The following EPHX2 variants were observed in gnomAD, a reference collection of about 807,000 sequenced individuals.
EPHX2 encodes bifunctional epoxide hydrolase 2.
Under a neutral mutation model 78.7 loss-of-function variants are expected in EPHX2, and 74 were observed. The observed-to-expected ratio is 0.94, with a 90% CI of 0.78 to 1.14. EPHX2 has a LOEUF of 1.14. EPHX2 is among the 50% of genes most tolerant of loss of function. The probability of loss-of-function intolerance (pLI) is 0.00; values close to 1 mark genes in which losing one functional copy is unlikely to be tolerated. For missense variants in EPHX2, 715 were observed against 702.5 expected, an observed-to-expected ratio of 1.02 and a Z score of -0.20; for synonymous variants, 251 against 255.2, an observed-to-expected ratio of 0.98 and a Z score of 0.16.
At chr8:27,491,948 T>G (rs1416417985) in intron 1 of EPHX2, among the ~76,000 whole-genome samples, 1 of 147,048 alleles carries the variant, frequency 6.8e-6, no homozygotes, top group Non-Finnish European at 1.5e-5. Flanking sequence ...TCTCTTTTTT[T>G]TGTGTTTTTT....
At chr8:27,504,845 T>C (rs1409769823) in intron 3 of EPHX2, 111 bp from the exon 4 acceptor site, 3 of 1,149,126 alleles carry the variant, frequency 2.6e-6, no homozygotes, top group Non-Finnish European at 2.5e-6. Context: ...AAGAGATTAA[T>C]AAAAGTGAGC....
At chr8:27,533,204 T>A (rs1815102998) in intron 12 of EPHX2, among the ~76,000 whole-genome samples, 2 of 152,210 alleles carry the variant, frequency 1.3e-5, no homozygotes, top group African/African-American at 4.8e-5. Flanking sequence ...ATGGGCATTA[T>A]CTCATTTAAT....
At chr8:27,497,288 G>C (rs1813606535) in intron 1 of EPHX2, among the ~76,000 whole-genome samples, 1 of 152,234 alleles carries the variant, frequency 6.6e-6, no homozygotes, top group African/African-American at 2.4e-5. Context: ...CTCTGGGGCA[G>C]TGTGCCTTCC....
At chr8:27,502,248 G>A (rs572314609) in intron 2 of EPHX2, among the ~76,000 whole-genome samples, 7 of 152,304 alleles carry the variant, frequency 4.6e-5, no homozygotes, top group Admixed American at 2.0e-4. Flanking sequence ...GAGACTCATC[G>A]TTGTTGCATG....
chr8:27,523,179 C>T, intron 11 of EPHX2, among the ~76,000 whole-genome samples: 1 of 152,110 alleles, frequency 6.6e-6, no homozygotes, highest in East Asian at 1.9e-4. Flanking sequence ...TCGGTCTGCC[C>T]TGATCAGCTG....
intron 12 of EPHX2, among the ~76,000 whole-genome samples, chr8:27,529,622 A>G (rs1354313519): frequency 6.6e-6 from 1 of 152,056 alleles, no homozygotes; most frequent in African/African-American, 2.4e-5. Flanking sequence ...GGCAGATTTC[A>G]GGCAAAAAAA....
intron 9 of EPHX2, 145 bp downstream of exon 9, chr8:27,518,217 C>T: frequency 1.5e-6 from 1 of 661,630 alleles, no homozygotes; most frequent in South Asian, 2.0e-5. Context: ...AACAGTATTT[C>T]CAAATGATAG....
At chr8:27,510,847 G>A (rs1336339471) in intron 5 of EPHX2, among the ~76,000 whole-genome samples, 1 of 152,118 alleles carries the variant, frequency 6.6e-6, no homozygotes, top group Non-Finnish European at 1.5e-5. Flanking sequence ...TACTTAGGAG[G>A]CTGAGGTGGG....
chr8:27,504,163 A>G (rs1176829956), intron 3 of EPHX2, among the ~76,000 whole-genome samples: 3 of 152,224 alleles, frequency 2.0e-5, no homozygotes, highest in Admixed American at 6.5e-5. Context: ...GGCTCAGATT[A>G]TGTCACATAG....
rs528301291 is a variant in EPHX2, at chr8:27,497,908, G to A, written c.102-3018G>A. The stretch of plus-strand genomic sequence containing the variant: ...AGATCCATACTGGGGACGGCTTGTT[G>A]ACCGGTAGGGATTTGTCCCTTTCTT... On this transcript the variant is annotated intron_variant, in intron 1 of 18. Transcript: ENST00000521400. 2.2e-4 allele frequency among the ~76,000 whole-genome samples: 33 copies of A among 152,282 alleles called. No homozygotes were observed. The South Asian group carries it at 6.8e-3, about 32-fold the overall frequency.
chr8:27,542,233 G>C (rs1815425364), intron 16 of EPHX2, among the ~76,000 whole-genome samples: 1 of 152,152 alleles, frequency 6.6e-6, no homozygotes, highest in African/African-American at 2.4e-5. Flanking sequence ...TGTGTAAACA[G>C]ACCAGGTCTT....
At chr8:27,504,891 G>T in intron 3 of EPHX2, 65 bp from the exon 4 acceptor site, 2 of 1,555,564 alleles carry the variant, frequency 1.3e-6, no homozygotes, top group East Asian at 2.3e-5. Context: ...GTCCCTTGGG[G>T]GTATCTGGAG....
intron 11 of EPHX2, among the ~76,000 whole-genome samples, chr8:27,522,733 G>T (rs547430460): frequency 6.6e-6 from 1 of 151,864 alleles, no homozygotes; most frequent in African/African-American, 2.4e-5. Flanking sequence ...GCCAAGGTGG[G>T]TGGATCACCT....
chr8:27,506,778 A>G (rs1717547751), intron 4 of EPHX2, 94 bp from the exon 5 acceptor site: 3 of 1,514,928 alleles, frequency 2.0e-6, no homozygotes, highest in Non-Finnish European at 8.9e-7. Flanking sequence ...GTTATAAAAG[A>G]AAAAGAGTTT....
At chr8:27,517,498 A>G (rs1245471169) in intron 8 of EPHX2, among the ~76,000 whole-genome samples, 2 of 152,258 alleles carry the variant, frequency 1.3e-5, no homozygotes, top group Admixed American at 6.5e-5. Context: ...AAACTACATT[A>G]TAAGTCTATA....
In EPHX2 at chr8:27,505,151, GGA is replaced by G; in HGVS notation, c.537+8_537+9del. ...CTGAAGGCCAGCCCCAGTGAGGTAC[GGA>G]GACACTTCCTTATGGCAGAGAAGGA... On this transcript the variant is annotated splice_donor_region_variant and intron_variant, in intron 4 of 18. Coordinates refer to ENST00000521400, the MANE Select transcript of EPHX2 (RefSeq NM_001979.6). 4 of 1,613,832 alleles carry G rather than the reference GGA, an allele frequency of 2.5e-6. No homozygotes were observed. The highest frequency in any genetic ancestry group is 3.4e-6 in the Non-Finnish European group (4 of 1,179,872).
At chr8:27,542,793 C>T (rs891440117) in intron 16 of EPHX2, among the ~76,000 whole-genome samples, 1 of 152,126 alleles carries the variant, frequency 6.6e-6, no homozygotes, top group Non-Finnish European at 1.5e-5. Flanking sequence ...AGGAGTGCGC[C>T]ACCACACCCA....
chr8:27,525,365 G>T lies in EPHX2; in HGVS notation c.1062G>T (p.Ala354=). ...TTGCTGCCTCTTATTTCTGTAGGGC[G>T]GTGGCCAGTTTGAATACTCCCTTCA... ...MALFYPERVR[A]VASLNTPFIP... Residue 354 remains alanine (A), a synonymous_variant, in exon 12 of 19, where the codon GCG becomes GCT. Transcript: ENST00000521400. The T allele has an allele frequency of 6.2e-7, 1 of 1,613,932 alleles. No homozygotes were observed. The highest frequency in any genetic ancestry group is 1.7e-5 in the Admixed American group (1 of 60,014).
At chr8:27,532,410 G>T (rs1815075524) in intron 12 of EPHX2, among the ~76,000 whole-genome samples, 1 of 152,192 alleles carries the variant, frequency 6.6e-6, no homozygotes, top group East Asian at 1.9e-4. Flanking sequence ...TTTCCTGCCT[G>T]CTCTGGATAG....
Sources: gnomAD v4.1 joint callset for allele counts (sites outside exome capture counted in the v4.1 genomes callset) on GRCh38, gnomAD v4.1.1 for gene constraint, MANE v1.5 for transcripts, NCBI Gene and HGNC (gene_info 2026-07-23, HGNC 2026-07-21) for gene names.